The following EPHB1 variants were observed in gnomAD, a reference collection of about 807,000 sequenced individuals.
EPHB1 encodes the protein ephrin type-B receptor 1.
Under a neutral mutation model 94.4 loss-of-function variants are expected in EPHB1, and 30 were observed. The ratio of observed to expected loss-of-function variants is 0.32; its 90% CI spans 0.24 to 0.43. The LOEUF (loss-of-function observed/expected upper bound fraction) is 0.43. EPHB1 is among the 20% of genes least tolerant of loss of function. The probability of loss-of-function intolerance (pLI) is 1.00; values close to 1 mark genes in which losing one functional copy is unlikely to be tolerated. For synonymous variants in EPHB1, 522 were observed against 489.1 expected (o/e 1.07, Z -0.89); for missense variants, 1,055 against 1,308.3 (o/e 0.81, Z 2.99).
At chr3:135,218,730 T>G (rs370982800) in intron 12 of EPHB1, among the ~76,000 whole-genome samples, 1 of 152,326 alleles carries the variant, frequency 6.6e-6, no homozygotes, top group Non-Finnish European at 1.5e-5. Context: ...ACAAAACAGG[T>G]AGTTCCTGAG....
chr3:134,985,268 C>A (rs939934180), intron 3 of EPHB1, among the ~76,000 whole-genome samples: 1 of 152,160 alleles, frequency 6.6e-6, no homozygotes, highest in Non-Finnish European at 1.5e-5. Flanking sequence ...ATTCTCCTGC[C>A]TCAGCCTCCC....
chr3:135,173,957 C>T (rs565202865), intron 9 of EPHB1, among the ~76,000 whole-genome samples: 1 of 152,350 alleles, frequency 6.6e-6, no homozygotes, highest in East Asian at 1.9e-4. Flanking sequence ...TTCCCCACAT[C>T]TGACTGCTCA....
intron 1 of EPHB1, among the ~76,000 whole-genome samples, chr3:134,889,560 C>G (rs1023234601): frequency 5.9e-5 from 9 of 152,292 alleles, no homozygotes; most frequent in Admixed American, 1.3e-4. Context: ...TTTTATACCA[C>G]TACCACATTG....
intron 3 of EPHB1, among the ~76,000 whole-genome samples, chr3:134,972,183 C>A (rs1204611283): frequency 6.6e-6 from 1 of 152,006 alleles, no homozygotes; most frequent in African/African-American, 2.4e-5. Flanking sequence ...AGAGAAGAGG[C>A]AGCCTCTCCT....
At chr3:135,207,997 G>GACTTAATTATTAA (rs1210080243) in intron 12 of EPHB1, among the ~76,000 whole-genome samples, 24 of 152,134 alleles carry the variant, frequency 1.6e-4, no homozygotes, top group African/African-American at 5.8e-4. Flanking sequence ...ACCCAATTGG[G>GACTTAATTATTAA]GATTATTAGG....
At chr3:134,800,685 T>C (rs190647150) in intron 1 of EPHB1, among the ~76,000 whole-genome samples, 1 of 152,338 alleles carries the variant, frequency 6.6e-6, no homozygotes, top group African/African-American at 2.4e-5. Flanking sequence ...TGCCCAACTC[T>C]GCATTTGCTG....
chr3:135,196,549 C>T (rs1280280540), intron 11 of EPHB1, among the ~76,000 whole-genome samples: 2 of 152,106 alleles, frequency 1.3e-5, no homozygotes, highest in Non-Finnish European at 2.9e-5. Flanking sequence ...TACTACCGAA[C>T]CCTGGAGCAT....
At chr3:135,098,783 G>A (rs1434834486) in intron 3 of EPHB1, among the ~76,000 whole-genome samples, 4 of 151,982 alleles carry the variant, frequency 2.6e-5, no homozygotes, top group East Asian at 3.9e-4. Context: ...AAGCCGAGGC[G>A]GATGGATCAT....
chr3:134,852,719 C>T (rs2037017568), intron 1 of EPHB1: 3 of 151,866 alleles, frequency 2.0e-5, no homozygotes, highest in Admixed American at 1.3e-4. Context: ...GAGAAAGATA[C>T]ATACATACTT....
intron 3 of EPHB1, among the ~76,000 whole-genome samples, chr3:135,096,102 C>T (rs1938748745): frequency 6.6e-6 from 1 of 152,198 alleles, no homozygotes; most frequent in South Asian, 2.1e-4. Context: ...TAAATACTTT[C>T]AAGTGAATTG....
chr3:135,168,122 A>G (rs1201888801), intron 9 of EPHB1, among the ~76,000 whole-genome samples: 1 of 152,230 alleles, frequency 6.6e-6, no homozygotes, highest in African/African-American at 2.4e-5. Flanking sequence ...CTCGGGCTGT[A>G]CAAAGGGCAC....
intron 15 of EPHB1, among the ~76,000 whole-genome samples, chr3:135,253,932 C>T (rs1051874944): frequency 1.3e-5 from 2 of 148,984 alleles, no homozygotes; most frequent in African/African-American, 5.0e-5. Context: ...CCTTCACATC[C>T]CTTGTAAGTT....
Position 135,152,598 on chromosome 3 carries a change from G to A in EPHB1, c.1298-1554G>A, listed in dbSNP as rs553759382. Among the ~76,000 whole-genome samples, 7 of 152,248 alleles carry A rather than the reference G, an allele frequency of 4.6e-5. No homozygotes were observed. In the South Asian group the frequency reaches 1.4e-3, roughly 32 times the overall value. On this transcript the variant is annotated intron_variant, in intron 5 of 15. Coordinates refer to ENST00000398015, the MANE Select transcript of EPHB1 (RefSeq NM_004441.5). ...CTCTGTAAAGGAGAGAGGGAAGGAA[G>A]GAGGATTGGGTAGGGTAGGAAGAGC...
At chr3:135,110,826 C>T (rs56257772) in intron 4 of EPHB1, among the ~76,000 whole-genome samples, 155 of 152,252 alleles carry the variant, frequency 1.0e-3, no homozygotes, top group Non-Finnish European at 1.2e-3. Context: ...AAGGTGCTGG[C>T]AGTTGTTTCC....
chr3:134,993,818 C>T (rs1258058669), intron 3 of EPHB1, among the ~76,000 whole-genome samples: 1 of 152,236 alleles, frequency 6.6e-6, no homozygotes, highest in Non-Finnish European at 1.5e-5. Context: ...TTGCCAGCTT[C>T]ATTCACATCT....
intron 1 of EPHB1, among the ~76,000 whole-genome samples, chr3:134,887,594 A>G (rs1358140675): frequency 6.6e-6 from 1 of 152,222 alleles, no homozygotes; most frequent in African/African-American, 2.4e-5. Flanking sequence ...ATATCTTTTG[A>G]TACTAACTCA....
rs79589483 is a variant in EPHB1 at position 135,106,646 on chromosome 3, C to T, written c.961+43C>T. On this transcript the variant is annotated intron_variant, in intron 4 of 15. Coordinates refer to ENST00000398015, the MANE Select transcript of EPHB1 (RefSeq NM_004441.5). ...GCTCTGGGCTGGGGAGTTTGGTTCCCTGATGGTGCAAGTGGTGGGTCTGGG... is the reference window on the plus strand; with the variant it reads ...GCTCTGGGCTGGGGAGTTTGGTTCCTTGATGGTGCAAGTGGTGGGTCTGGG... 2.7e-4 allele frequency: 428 copies of T among 1,607,430 alleles called. 2 individuals carry two copies. The East Asian group carries it at 6.3e-3, about 24-fold the overall frequency.
intron 3 of EPHB1, among the ~76,000 whole-genome samples, chr3:135,096,948 T>TA (rs1215305933): frequency 6.6e-6 from 1 of 151,872 alleles, no homozygotes. Flanking sequence ...AAACAAAAGT[T>TA]AGCCAGGTGT....
At chr3:134,992,661 T>G (rs1934853636) in intron 3 of EPHB1, among the ~76,000 whole-genome samples, 1 of 152,114 alleles carries the variant, frequency 6.6e-6, no homozygotes, top group Admixed American at 6.5e-5. Context: ...TTCAAGTGCC[T>G]GCCTAAAGGG....
Sources: gnomAD v4.1 joint callset for allele counts (sites outside exome capture counted in the v4.1 genomes callset) on GRCh38, gnomAD v4.1.1 for gene constraint, MANE v1.5 for transcripts, NCBI Gene and HGNC (gene_info 2026-07-23, HGNC 2026-07-21) for gene names.